LARP4B: variants seen among roughly 807,000 people sequenced by gnomAD.
LARP4B encodes la-related protein 4B.
LARP4B carries 12 observed loss-of-function variants against 89.8 expected under a neutral mutation model. That is an observed-to-expected ratio of 0.13 (90% CI 0.09 to 0.22). LARP4B has a LOEUF of 0.22. LARP4B is among the 10% of genes least tolerant of loss of function. The pLI, the probability that LARP4B is intolerant of heterozygous loss-of-function variation, is 1.00. For missense variants in LARP4B, 757 were observed against 947.7 expected, an observed-to-expected ratio of 0.80 and a Z score of 2.64; for synonymous variants, 367 against 363.3, an observed-to-expected ratio of 1.01 and a Z score of -0.12.
chr10:977,051 C>G, the LARP4B span, among the ~76,000 whole-genome samples: 76 of 152,322 alleles, frequency 5.0e-4, no homozygotes, highest in African/African-American at 1.8e-3. Context: ...ACTTGAGGAA[C>G]AGATCTTTCA....
At chr10:907,536 A>G (rs1440633425) in intron 1 of LARP4B, among the ~76,000 whole-genome samples, 1 of 152,244 alleles carries the variant, frequency 6.6e-6, no homozygotes, top group Non-Finnish European at 1.5e-5. Flanking sequence ...ATGACTAAAA[A>G]TTTTTATTGT....
intron 1 of LARP4B, among the ~76,000 whole-genome samples, chr10:897,170 T>C (rs1836211338): frequency 6.6e-6 from 1 of 152,182 alleles, no homozygotes; most frequent in Admixed American, 6.5e-5. Context: ...GGTACTGGCA[T>C]AGACCAGACA....
At chr10:941,058 A>G in the LARP4B span, among the ~76,000 whole-genome samples, 4 of 152,104 alleles carry the variant, frequency 2.6e-5, no homozygotes, top group African/African-American at 7.2e-5. Context: ...TTTGCTGAAG[A>G]TGAGGGTGGA....
intron 3 of LARP4B, among the ~76,000 whole-genome samples, chr10:868,655 T>C (rs1346500704): frequency 1.3e-5 from 2 of 152,258 alleles, no homozygotes; most frequent in Non-Finnish European, 2.9e-5. Flanking sequence ...GATGTAGTTT[T>C]ATACTGTTTT....
the LARP4B span, among the ~76,000 whole-genome samples, chr10:947,100 C>T: frequency 6.6e-6 from 1 of 152,124 alleles, no homozygotes; most frequent in Non-Finnish European, 1.5e-5. Flanking sequence ...GAGCTACTGA[C>T]CTCAGTTGAT....
At chr10:820,528 G>A (rs1193710052) in intron 14 of LARP4B, 1 of 427,288 alleles carries the variant, frequency 2.3e-6, no homozygotes, top group Non-Finnish European at 4.2e-6. Flanking sequence ...TGCAGTGCAT[G>A]CGACAGCAAG....
chr10:961,992 T>G, the LARP4B span, among the ~76,000 whole-genome samples: 1 of 152,062 alleles, frequency 6.6e-6, no homozygotes, highest in African/African-American at 2.4e-5. Context: ...CTCCTCTTCT[T>G]ATAAGAATAC....
chr10:836,370 G>T, intron 8 of LARP4B, 33 bp downstream of exon 8: 1 of 1,408,560 alleles, frequency 7.1e-7, no homozygotes, highest in Non-Finnish European at 1.0e-6. Context: ...TTGGGAAAAT[G>T]TCCAAGTAAC....
At chr10:926,923 C>A (rs1237149492) in intron 1 of LARP4B, among the ~76,000 whole-genome samples, 1 of 152,020 alleles carries the variant, frequency 6.6e-6, no homozygotes, top group African/African-American at 2.4e-5. Flanking sequence ...GTATGTAGTC[C>A]CAGCTACTCA....
At chr10:827,590 A>T (rs561536023) in intron 11 of LARP4B, among the ~76,000 whole-genome samples, 1 of 152,314 alleles carries the variant, frequency 6.6e-6, no homozygotes, top group East Asian at 1.9e-4. Flanking sequence ...AGTATCACAG[A>T]CTCAGAGCAG....
intron 3 of LARP4B, among the ~76,000 whole-genome samples, chr10:868,878 C>T (rs569172623): frequency 1.3e-5 from 2 of 152,282 alleles, no homozygotes; most frequent in African/African-American, 2.4e-5. Context: ...GCTTCATTGC[C>T]CACAAAAATC....
chr10:840,787 T>C (rs1833484710), intron 7 of LARP4B, among the ~76,000 whole-genome samples: 1 of 152,236 alleles, frequency 6.6e-6, no homozygotes, highest in Non-Finnish European at 1.5e-5. Context: ...TGTAAAAAGA[T>C]AAAATTAAAT....
At chr10:978,443 T>G in the LARP4B span, among the ~76,000 whole-genome samples, 1 of 152,180 alleles carries the variant, frequency 6.6e-6, no homozygotes, top group African/African-American at 2.4e-5. Context: ...TTATTTGTGG[T>G]TTTTCCATTT....
chr10:882,825 T>C (rs1050634528), intron 3 of LARP4B, among the ~76,000 whole-genome samples: 2 of 152,202 alleles, frequency 1.3e-5, no homozygotes, highest in Middle Eastern at 3.2e-3. Flanking sequence ...CTCCTCCTAC[T>C]CAACTCTGAC....
chr10:825,007 T>G, intron 13 of LARP4B, 58 bp downstream of exon 13: 1 of 1,458,142 alleles, frequency 6.9e-7, no homozygotes, highest in South Asian at 1.4e-5. Flanking sequence ...ATATCTAAAT[T>G]AAATAATTTT....
chr10:880,503 T>C (rs936339200), intron 3 of LARP4B, among the ~76,000 whole-genome samples: 1 of 151,996 alleles, frequency 6.6e-6, no homozygotes, highest in African/African-American at 2.4e-5. Context: ...TTGGGCAACA[T>C]GGCGAAACCC....
intron 7 of LARP4B, among the ~76,000 whole-genome samples, chr10:837,709 A>G (rs1290542224): frequency 6.6e-6 from 1 of 152,240 alleles, no homozygotes; most frequent in Non-Finnish European, 1.5e-5. Context: ...ACAGATGCAC[A>G]CAGGATCCAT....
the LARP4B span, among the ~76,000 whole-genome samples, chr10:973,275 A>T: frequency 1.3e-5 from 2 of 152,230 alleles, no homozygotes; most frequent in African/African-American, 4.8e-5. Flanking sequence ...TTCCTCACAC[A>T]GGGCATGGCA....
chr10:945,619 C>T, the LARP4B span, among the ~76,000 whole-genome samples: 12 of 150,130 alleles, frequency 8.0e-5, no homozygotes, highest in South Asian at 2.1e-4. Context: ...ACCCGGGAGG[C>T]GGAGCTTGCA....
Sources: gnomAD v4.1 joint callset for allele counts (sites outside exome capture counted in the v4.1 genomes callset) on GRCh38, gnomAD v4.1.1 for gene constraint, MANE v1.5 for transcripts, NCBI Gene and HGNC (gene_info 2026-07-23, HGNC 2026-07-21) for gene names.